EML6: variants seen among roughly 807,000 people sequenced by gnomAD.
EML6 encodes echinoderm microtubule-associated protein-like 6.
EML6 carries 154 observed loss-of-function variants against 240.1 expected under a neutral mutation model. The ratio of observed to expected loss-of-function variants is 0.64; its 90% CI spans 0.56 to 0.73. The LOEUF is 0.73. EML6 is among the 30% of genes least tolerant of loss of function. The pLI is 0.00. For synonymous variants in EML6, 1,148 were observed against 899.0 expected (o/e 1.28, Z -4.95); for missense variants, 2,964 against 2,474.6 (o/e 1.20, Z -4.20).
At chr2:54,874,706 A>ACT (rs542090567) in intron 16 of EML6, among the ~76,000 whole-genome samples, 76 of 152,294 alleles carry the variant, frequency 5.0e-4, no homozygotes, top group African/African-American at 1.8e-3. Flanking sequence ...GTAGTCATTG[A>ACT]CTGGGGGTTG....
chr2:54,879,694 GGTCAATA>G, intron 17 of EML6, 54 bp downstream of exon 17: 1 of 1,038,428 alleles, frequency 9.6e-7, no homozygotes, highest in Non-Finnish European at 1.4e-6. Context: ...GTTCAGTAAA[GGTCAATA>G]GTTTTCATTT....
At chr2:54,945,976 C>T (rs926781215) in intron 28 of EML6, among the ~76,000 whole-genome samples, 3 of 152,198 alleles carry the variant, frequency 2.0e-5, no homozygotes, top group Non-Finnish European at 4.4e-5. Context: ...CACTGAAGAG[C>T]AGGGCCGACT....
chr2:54,748,548 A>G (rs1438737063), intron 2 of EML6: 1 of 152,078 alleles, frequency 6.6e-6, no homozygotes, highest in Non-Finnish European at 1.5e-5. Context: ...TACCAGAAGA[A>G]CCCCTGGACT....
chr2:54,852,908 A>G (rs1396030752), intron 10 of EML6, among the ~76,000 whole-genome samples: 1 of 152,244 alleles, frequency 6.6e-6, no homozygotes, highest in Non-Finnish European at 1.5e-5. Context: ...TCTGGGGAAC[A>G]TCCCTGACCT....
intron 2 of EML6, among the ~76,000 whole-genome samples, chr2:54,804,046 C>G (rs1358451631): frequency 6.6e-6 from 1 of 152,192 alleles, no homozygotes; most frequent in Admixed American, 6.5e-5. Flanking sequence ...CTTCCAAATC[C>G]CTTGATAGTA....
chr2:54,730,030 G>A (rs993669988), intron 2 of EML6, among the ~76,000 whole-genome samples: 4 of 152,090 alleles, frequency 2.6e-5, no homozygotes, highest in African/African-American at 9.7e-5. Flanking sequence ...CTGATATTCC[G>A]GGACCTAGGG....
At chr2:54,872,852 T>C (rs573835358) in intron 16 of EML6, among the ~76,000 whole-genome samples, 2 of 152,322 alleles carry the variant, frequency 1.3e-5, no homozygotes, top group South Asian at 4.1e-4. Flanking sequence ...AAATAACCTG[T>C]CCTTTTTTGT....
At chr2:54,839,306 C>G (rs185200591) in intron 7 of EML6, among the ~76,000 whole-genome samples, 1 of 152,296 alleles carries the variant, frequency 6.6e-6, no homozygotes, top group African/African-American at 2.4e-5. Context: ...TATTAGGAAA[C>G]ATGAATACAG....
At chr2:54,956,753 C>G (rs773521186) in intron 32 of EML6, among the ~76,000 whole-genome samples, 1 of 151,468 alleles carries the variant, frequency 6.6e-6, no homozygotes, top group African/African-American at 2.4e-5. Context: ...AAAACAAATG[C>G]GAAGTGATGA....
rs748024293 is a variant in EML6 at position 54,844,002 on chromosome 2, G to GTGTA, written c.848-43_848-42insTATG. On this transcript the variant is annotated intron_variant, in intron 7 of 41. Coordinates refer to ENST00000356458, the MANE Select transcript of EML6 (RefSeq NM_001039753.4). ...TGTGTGTGTGTGTGTGTGTGTGTGT[G>GTGTA]TGAATAGTGTGAAGATTTGCTTTTG... The GTGTA allele has an allele frequency of 3.2e-6, 4 of 1,233,510 alleles. No homozygotes were observed. In the South Asian group the frequency reaches 5.2e-5, roughly 16 times the overall value. The allele number at this position is 1,233,510 out of a possible 1,614,324, so 76.4% of individuals were successfully genotyped here.
intron 5 of EML6, among the ~76,000 whole-genome samples, chr2:54,825,760 C>T (rs926390723): frequency 1.3e-5 from 2 of 152,302 alleles, no homozygotes; most frequent in East Asian, 3.9e-4. Context: ...CCCCCCACCC[C>T]CAGCTGCCTG....
At chr2:54,952,063 A>G (rs899513759) in intron 30 of EML6, among the ~76,000 whole-genome samples, 1 of 152,212 alleles carries the variant, frequency 6.6e-6, no homozygotes, top group Non-Finnish European at 1.5e-5. Flanking sequence ...TTTCCAGGGT[A>G]AAGCCATCAC....
chr2:54,820,112 ATTTG>A (rs1036595731), intron 4 of EML6, among the ~76,000 whole-genome samples: 10 of 152,178 alleles, frequency 6.6e-5, no homozygotes, highest in Non-Finnish European at 1.0e-4. Flanking sequence ...TAAATTGTCC[ATTTG>A]TTTATCTCAA....
intron 28 of EML6, among the ~76,000 whole-genome samples, chr2:54,946,664 G>A (rs749474754): frequency 1.3e-5 from 2 of 152,140 alleles, no homozygotes; most frequent in Non-Finnish European, 2.9e-5. Context: ...TTGGAGGCAG[G>A]GAATTGTCAA....
intron 2 of EML6, among the ~76,000 whole-genome samples, chr2:54,741,822 A>G (rs977687400): frequency 5.9e-5 from 9 of 152,238 alleles, no homozygotes; most frequent in Non-Finnish European, 8.8e-5. Context: ...AAATAACTCA[A>G]TGGGGAGAAG....
intron 2 of EML6, among the ~76,000 whole-genome samples, chr2:54,734,169 T>C (rs1202970130): frequency 6.6e-6 from 1 of 152,046 alleles, no homozygotes; most frequent in East Asian, 1.9e-4. Context: ...TGAAACCCCA[T>C]CTCTACTAAA....
At chr2:54,968,903 A>G (rs1292156994) in intron 41 of EML6, 135 bp downstream of exon 41, 3 of 592,486 alleles carry the variant, frequency 5.1e-6, no homozygotes, top group Admixed American at 2.9e-5. Context: ...AGGAAATTCC[A>G]TGAGTCCTCA....
chr2:54,918,838 A>G (rs1385022979), intron 26 of EML6, among the ~76,000 whole-genome samples: 3 of 152,186 alleles, frequency 2.0e-5, no homozygotes, highest in Non-Finnish European at 4.4e-5. Flanking sequence ...AAACCAACCA[A>G]TAAAATATGT....
intron 28 of EML6, among the ~76,000 whole-genome samples, chr2:54,947,220 C>T (rs1226725402): frequency 1.3e-5 from 2 of 152,034 alleles, no homozygotes; most frequent in East Asian, 1.9e-4. Flanking sequence ...ATTTGAAAGT[C>T]CCACTAAAAC....
Sources: allele counts gnomAD v4.1 joint callset (sites outside exome capture counted in the v4.1 genomes callset), GRCh38; gene constraint gnomAD v4.1.1; transcripts MANE v1.5; gene names NCBI Gene and HGNC (gene_info 2026-07-23, HGNC 2026-07-21).